Variants in PCDHGA3 observed in about 807,000 individuals in gnomAD.
The protein encoded by PCDHGA3 is protocadherin gamma subfamily A, 3.
PCDHGA3 carries 40 observed loss-of-function variants against 58.5 expected under a neutral mutation model. The ratio of observed to expected loss-of-function variants is 0.68; its 90% confidence interval spans 0.53 to 0.89. The LOEUF (loss-of-function observed/expected upper bound fraction) is 0.89, where lower values mean the gene tolerates loss of function less well. PCDHGA3 is among the 40% of genes least tolerant of loss of function. The pLI is 0.00. For synonymous variants in PCDHGA3, 530 were observed against 525.7 expected (o/e 1.01, Z -0.11); for missense variants, 1,223 against 1,195.9 (o/e 1.02, Z -0.33).
chr5:141,364,405 G>T, intron 1 of PCDHGA3: 1 of 1,609,906 alleles, frequency 6.2e-7, no homozygotes, highest in Non-Finnish European at 8.5e-7. Flanking sequence ...CGCTGTGCGA[G>T]CCAGGATCCG....
chr5:141,489,205 G>A lies in PCDHGA3; in HGVS notation c.2425-5602G>A. 2.1e-6 allele frequency: 3 copies of A among 1,438,682 alleles called. No homozygotes were observed. Among genetic ancestry groups the A allele is most frequent in the Non-Finnish European group, 1.9e-6 (2 of 1,060,944 alleles). 89.1% of individuals were successfully genotyped at this position (1,438,682 alleles called of 1,614,324 possible). On this transcript the variant is annotated intron_variant, in intron 1 of 3. Coordinates refer to ENST00000253812, the MANE Select transcript of PCDHGA3 (RefSeq NM_018916.4). The surrounding 1 kb of genome is among the most constrained non-coding windows in gnomAD (Gnocchi z 4.5). ...CTGGGTCTACCTTGGAGACAGGACA[G>A]CACAGACTTACTCTCCACAAAGGGA...
chr5:141,505,614 A>G (rs2154593732), intron 3 of PCDHGA3, 133 bp downstream of exon 3: 1 of 1,510,758 alleles, frequency 6.6e-7, no homozygotes, highest in Non-Finnish European at 8.9e-7. Context: ...GTCTGAAAGG[A>G]CCCACAATTC....
At chr5:141,419,227 C>G in intron 1 of PCDHGA3, 1 of 1,614,024 alleles carries the variant, frequency 6.2e-7, no homozygotes, top group South Asian at 1.1e-5. Flanking sequence ...GACAGTCAGC[C>G]TACCTGGTCC....
intron 1 of PCDHGA3, among the ~76,000 whole-genome samples, chr5:141,401,288 G>A (rs973425272): frequency 1.3e-5 from 2 of 152,094 alleles, no homozygotes; most frequent in Non-Finnish European, 2.9e-5. Flanking sequence ...GTTGCGGTGA[G>A]CCGAGATCAC....
intron 1 of PCDHGA3, among the ~76,000 whole-genome samples, chr5:141,474,185 C>A (rs1481544975): frequency 6.6e-6 from 1 of 152,180 alleles, no homozygotes; most frequent in Non-Finnish European, 1.5e-5. Flanking sequence ...AAACTACTTA[C>A]ATTTTTAAAA....
chr5:141,364,666 CA>C (rs747851632), intron 1 of PCDHGA3: 66 of 1,614,024 alleles, frequency 4.1e-5, no homozygotes, highest in Non-Finnish European at 5.3e-5. Context: ...TGGTTGAGAA[CA>C]AAATGAAAAT....
chr5:141,388,745 C>T lies in PCDHGA3; in HGVS notation c.2424+42288C>T, dbSNP rs1280615634. Reference sequence around the variant, plus strand: ...TCTCTTTCAGTGAAGCTAGCCAGATCACCCAATTTGACCTGAACTCTAACA... The same window carrying T: ...TCTCTTTCAGTGAAGCTAGCCAGATTACCCAATTTGACCTGAACTCTAACA... On this transcript the variant is annotated intron_variant, in intron 1 of 3. Coordinates refer to ENST00000253812, the MANE Select transcript of PCDHGA3 (RefSeq NM_018916.4). 3 of 1,614,024 alleles carry T rather than the reference C, an allele frequency of 1.9e-6. No individual in the cohort carries two copies. The Admixed American group carries it at 5.0e-5, about 27-fold the overall frequency.
chr5:141,436,713 G>T (rs2097842329), intron 1 of PCDHGA3, among the ~76,000 whole-genome samples: 1 of 152,190 alleles, frequency 6.6e-6, no homozygotes, highest in Non-Finnish European at 1.5e-5. Context: ...TCGATGTTCT[G>T]TTGGGAAAAA....
chr5:141,395,548 G>T (rs869036595), intron 1 of PCDHGA3: 6 of 21,284 alleles, frequency 2.8e-4, no homozygotes, highest in African/African-American at 1.1e-3. Context: ...TTGTTTGTGT[G>T]TGTGTGTGTG....
intron 2 of PCDHGA3, among the ~76,000 whole-genome samples, chr5:141,496,733 C>A (rs1221912777): frequency 6.6e-6 from 1 of 152,138 alleles, no homozygotes; most frequent in Non-Finnish European, 1.5e-5. Context: ...TGTATTCATT[C>A]GTTCATTTAT....
At chr5:141,358,349 G>T (rs1182827672) in intron 1 of PCDHGA3, among the ~76,000 whole-genome samples, 1 of 152,164 alleles carries the variant, frequency 6.6e-6, no homozygotes, top group Admixed American at 6.5e-5. Flanking sequence ...TGGACTGAGG[G>T]TTTTTTAATT....
chr5:141,415,758 T>TG, intron 1 of PCDHGA3: 1 of 1,381,742 alleles, frequency 7.2e-7, no homozygotes, highest in South Asian at 1.7e-5. Context: ...TTTTTTTTTT[T>TG]TTTTTTTTTT....
chr5:141,393,387 C>T lies in PCDHGA3; in HGVS notation c.2424+46930C>T, dbSNP rs772072669. The stretch of plus-strand genomic sequence containing the variant: ...GACTGGAGACAATGGAGCCATAAAC[C>T]CAGAGCTGGTGCTGGAGCGCGCCCT... On this transcript the variant is annotated intron_variant, in intron 1 of 3. Coordinates refer to ENST00000253812, the MANE Select transcript of PCDHGA3 (RefSeq NM_018916.4). The T allele has an allele frequency of 3.7e-6, 6 of 1,613,972 alleles. No homozygotes were observed. The East Asian group carries it at 1.3e-4, about 36-fold the overall frequency.
At chr5:141,365,103 G>T (rs1178900186) in intron 1 of PCDHGA3, 3 of 1,613,722 alleles carry the variant, frequency 1.9e-6, no homozygotes, top group Non-Finnish European at 1.7e-6. Flanking sequence ...ATACCTGTGG[G>T]CACTCGGCTG....
intron 1 of PCDHGA3, among the ~76,000 whole-genome samples, chr5:141,449,588 C>CAA (rs768743917): frequency 2.4e-4 from 14 of 57,430 alleles, no homozygotes; most frequent in Non-Finnish European, 3.7e-4. Flanking sequence ...GACTCTGTCT[C>CAA]AAAAAAAAAA....
chr5:141,462,486 G>A (rs62379193), intron 1 of PCDHGA3, among the ~76,000 whole-genome samples: 5,124 of 152,042 alleles, frequency 0.034, 100 homozygotes, highest in Middle Eastern at 0.088. Flanking sequence ...CGTGGTTGTT[G>A]TATCCTATAA....
At chr5:141,400,234 G>A (rs749957043) in intron 1 of PCDHGA3, 11 of 1,613,984 alleles carry the variant, frequency 6.8e-6, no homozygotes, top group East Asian at 6.7e-5. Flanking sequence ...CCTCCTGGCC[G>A]TGATTCTGGC....
intron 1 of PCDHGA3, among the ~76,000 whole-genome samples, chr5:141,492,964 C>CT (rs2099745347): frequency 6.6e-6 from 1 of 152,354 alleles, no homozygotes; most frequent in Non-Finnish European, 1.5e-5. Context: ...ATCTGACACT[C>CT]TAACAAGTCC....
Position 141,426,915 on chromosome 5 carries a change from G to A in PCDHGA3, c.2425-67892G>A, listed in dbSNP as rs143411146. On this transcript the variant is annotated intron_variant, in intron 1 of 3. Coordinates refer to ENST00000253812, the MANE Select transcript of PCDHGA3 (RefSeq NM_018916.4). ...ACAGAGCTCTCATCTCCTGGTCCTG[G>A]AAGCAATGGACATGGGTGACCCAGT... 1,737 of 456,738 alleles carry A rather than the reference G, an allele frequency of 3.8e-3. 17 individuals carry two copies. Among genetic ancestry groups the A allele is most frequent in the Admixed American group, 0.01 (426 of 42,586 alleles). The allele number at this position is 456,738 out of a possible 1,614,324, so 28.3% of individuals were successfully genotyped here.
Sources: gnomAD v4.1 joint callset for allele counts (sites outside exome capture counted in the v4.1 genomes callset) on GRCh38, gnomAD v4.1.1 for gene constraint, Gnocchi (gnomAD v3.1) non-coding constraint, MANE v1.5 for transcripts, NCBI Gene and HGNC (gene_info 2026-07-23, HGNC 2026-07-21) for gene names.